The following MAGI2 variants were observed in gnomAD, a reference collection of about 807,000 sequenced individuals.
MAGI2 encodes membrane-associated guanylate kinase, WW and PDZ domain-containing protein 2.
Under a neutral mutation model 133.3 loss-of-function variants are expected in MAGI2, and 35 were observed. That is an observed-to-expected ratio of 0.26 (90% CI 0.20 to 0.35). The LOEUF (loss-of-function observed/expected upper bound fraction) is 0.35, where lower values mean the gene tolerates loss of function less well. Among genes scored for constraint, MAGI2 ranks in the 10% least tolerant of loss-of-function variants. The pLI is 1.00. For synonymous variants in MAGI2, 729 were observed against 710.6 expected (o/e 1.03, Z -0.41); for missense variants, 1,636 against 1,863.4 (o/e 0.88, Z 2.25).
chr7:78,054,334 C>T (rs536925172), intron 21 of MAGI2, among the ~76,000 whole-genome samples: 2 of 152,080 alleles, frequency 1.3e-5, no homozygotes, highest in South Asian at 4.1e-4. Flanking sequence ...CCATGTTGGT[C>T]AGGCTGGTCT....
chr7:79,149,096 GTAATATAATATATTATATTATATA>G (rs1433673345), intron 1 of MAGI2, among the ~76,000 whole-genome samples: 1 of 141,208 alleles, frequency 7.1e-6, no homozygotes, highest in African/African-American at 2.6e-5. Context: ...ATTTTTATAT[GTAATATAATATATTATATTATATA>G]TAATATAATA....
At chr7:78,614,179 G>T (rs548201526) in intron 3 of MAGI2, among the ~76,000 whole-genome samples, 1 of 151,204 alleles carries the variant, frequency 6.6e-6, no homozygotes, top group Non-Finnish European at 1.5e-5. Flanking sequence ...AACCAAGATA[G>T]CGATGTATTA....
intron 1 of MAGI2, among the ~76,000 whole-genome samples, chr7:79,400,355 T>C (rs1845382459): frequency 6.6e-6 from 1 of 152,074 alleles, no homozygotes; most frequent in Non-Finnish European, 1.5e-5. Context: ...GAAAATCAAT[T>C]ATGCTTTGAA....
intron 3 of MAGI2, among the ~76,000 whole-genome samples, chr7:78,543,313 T>C (rs1798561713): frequency 6.6e-6 from 1 of 152,214 alleles, no homozygotes; most frequent in South Asian, 2.1e-4. Flanking sequence ...TCAGTTCAGC[T>C]CCGTAATGAC....
At chr7:78,771,779 AG>A (rs754272138) in intron 2 of MAGI2, among the ~76,000 whole-genome samples, 3 of 152,178 alleles carry the variant, frequency 2.0e-5, no homozygotes, top group Non-Finnish European at 4.4e-5. Context: ...ATAATGTGAA[AG>A]GAAAAAAAAA....
chr7:79,255,479 A>G (rs1365774390), intron 1 of MAGI2, among the ~76,000 whole-genome samples: 1 of 152,256 alleles, frequency 6.6e-6, no homozygotes, highest in African/African-American at 2.4e-5. Context: ...AAAATGTGAA[A>G]CAGTTATGTA....
At chr7:79,385,952 A>G (rs552077813) in intron 1 of MAGI2, among the ~76,000 whole-genome samples, 5 of 152,130 alleles carry the variant, frequency 3.3e-5, no homozygotes, top group Non-Finnish European at 7.4e-5. Context: ...AACCTTAAAT[A>G]TGCACAATAA....
At chr7:78,619,571 CTT>C (rs1439783564) in intron 3 of MAGI2, among the ~76,000 whole-genome samples, 2 of 151,828 alleles carry the variant, frequency 1.3e-5, no homozygotes, top group African/African-American at 2.4e-5. Context: ...CTTCTAGTCT[CTT>C]TGGGGAGAAA....
intron 2 of MAGI2, among the ~76,000 whole-genome samples, chr7:78,988,038 A>G (rs1805430704): frequency 6.6e-6 from 1 of 152,086 alleles, no homozygotes; most frequent in African/African-American, 2.4e-5. Flanking sequence ...TATTAATATA[A>G]TGCTAACATT....
chr7:78,020,882 T>C (rs1808326432), intron 21 of MAGI2, among the ~76,000 whole-genome samples: 1 of 152,216 alleles, frequency 6.6e-6, no homozygotes, highest in Admixed American at 6.5e-5. Context: ...AACTTAATTC[T>C]TTTTAGTACT....
At chr7:78,451,213 G>C (rs1788690976) in intron 6 of MAGI2, among the ~76,000 whole-genome samples, 1 of 151,970 alleles carries the variant, frequency 6.6e-6, no homozygotes, top group South Asian at 2.1e-4. Context: ...CTATTTTTGT[G>C]CCCTTCCTAT....
intron 1 of MAGI2, among the ~76,000 whole-genome samples, chr7:79,211,857 T>A (rs1251644874): frequency 6.6e-6 from 1 of 151,954 alleles, no homozygotes; most frequent in Non-Finnish European, 1.5e-5. Flanking sequence ...TGTAATAGAG[T>A]GATATGCCCT....
At chr7:79,093,299 T>C (rs193251455) in intron 1 of MAGI2, among the ~76,000 whole-genome samples, 475 of 152,164 alleles carry the variant, frequency 3.1e-3, no homozygotes, top group South Asian at 6.2e-3. Flanking sequence ...AAAGAAGACC[T>C]ATCTGATGCA....
intron 4 of MAGI2, among the ~76,000 whole-genome samples, chr7:78,507,181 C>T (rs1795162954): frequency 6.6e-6 from 1 of 152,008 alleles, no homozygotes; most frequent in African/African-American, 2.4e-5. Flanking sequence ...TAGCACCTAC[C>T]TCTCCCATCT....
intron 1 of MAGI2, among the ~76,000 whole-genome samples, chr7:79,394,887 T>A (rs59843089): frequency 0.051 from 7,701 of 152,282 alleles, 384 homozygotes; most frequent in East Asian, 0.18. Flanking sequence ...AATTAAAACA[T>A]AAAAATTCTT....
chr7:78,521,182 C>T (rs1485787976), intron 4 of MAGI2, among the ~76,000 whole-genome samples: 1 of 135,870 alleles, frequency 7.4e-6, no homozygotes, highest in African/African-American at 3.0e-5. Flanking sequence ...AAAAAATATG[C>T]CAAAAATGTT....
intron 2 of MAGI2, among the ~76,000 whole-genome samples, chr7:78,747,965 A>G (rs1823084292): frequency 6.6e-6 from 1 of 152,168 alleles, no homozygotes; most frequent in Non-Finnish European, 1.5e-5. Flanking sequence ...ATTCTGTGGT[A>G]CTATATGCAC....
chr7:79,347,939 A>G (rs1219272381), intron 1 of MAGI2, among the ~76,000 whole-genome samples: 2 of 151,942 alleles, frequency 1.3e-5, no homozygotes, highest in Non-Finnish European at 2.9e-5. Flanking sequence ...CGTATACATT[A>G]TCTTCTGTTG....
At chr7:78,339,656 C>T (rs1001414814) in intron 9 of MAGI2, among the ~76,000 whole-genome samples, 2 of 152,116 alleles carry the variant, frequency 1.3e-5, no homozygotes, top group African/African-American at 2.4e-5. Flanking sequence ...TTATTCTAAT[C>T]GTAGGCAATA....
Sources: allele counts gnomAD v4.1 joint callset (sites outside exome capture counted in the v4.1 genomes callset), GRCh38; gene constraint gnomAD v4.1.1; transcripts MANE v1.5; gene names NCBI Gene and HGNC (gene_info 2026-07-23, HGNC 2026-07-21).